The following EPS15 variants were observed in gnomAD, a reference collection of about 807,000 sequenced individuals.
EPS15 encodes the protein epidermal growth factor receptor pathway substrate 15.
Under a neutral mutation model 113.8 loss-of-function variants are expected in EPS15, and 72 were observed. That is an observed-to-expected ratio of 0.63 (90% CI 0.52 to 0.77). The LOEUF (loss-of-function observed/expected upper bound fraction) is 0.77, where lower values mean the gene tolerates loss of function less well. EPS15 is among the 30% of genes least tolerant of loss of function. The pLI is 0.00. For missense variants in EPS15, 1,048 were observed against 1,045.8 expected (o/e 1.00, Z -0.03); for synonymous variants, 344 against 363.4 (o/e 0.95, Z 0.61).
chr1:51,504,755 T>C (rs561152801), intron 1 of EPS15, among the ~76,000 whole-genome samples: 6 of 152,264 alleles, frequency 3.9e-5, no homozygotes, highest in African/African-American at 1.4e-4. Flanking sequence ...TAATAACAAT[T>C]ACTGGAGAGG....
intron 7 of EPS15, among the ~76,000 whole-genome samples, chr1:51,462,895 T>C (rs990773384): frequency 2.9e-4 from 41 of 140,352 alleles, no homozygotes; most frequent in Admixed American, 1.1e-3. Flanking sequence ...TTTTTTTTTT[T>C]CTAAGACAGT....
intron 6 of EPS15, 77 bp from the exon 7 acceptor site, chr1:51,463,875 A>G (rs1487610915): frequency 1.2e-6 from 1 of 827,670 alleles, no homozygotes; most frequent in Non-Finnish European, 1.9e-6. Flanking sequence ...TCAAGTCCTT[A>G]AAGAATAGAC....
At chr1:51,453,465 T>G (rs1426597577) in intron 8 of EPS15, among the ~76,000 whole-genome samples, 1 of 152,142 alleles carries the variant, frequency 6.6e-6, no homozygotes. Context: ...TATATTGTAC[T>G]TATTCCTATT....
intron 12 of EPS15, among the ~76,000 whole-genome samples, chr1:51,435,778 A>C: frequency 6.6e-6 from 1 of 152,254 alleles, no homozygotes; most frequent in East Asian, 1.9e-4. Context: ...ATAAATTACT[A>C]TAGTTAAACA....
At chr1:51,449,924 T>A (rs1653398750) in intron 8 of EPS15, among the ~76,000 whole-genome samples, 1 of 151,754 alleles carries the variant, frequency 6.6e-6, no homozygotes, top group Non-Finnish European at 1.5e-5. Context: ...GGCAGCTTGA[T>A]TCCAGGGTGT....
chr1:51,474,309 G>C (rs1263442107), intron 2 of EPS15, among the ~76,000 whole-genome samples: 1 of 152,184 alleles, frequency 6.6e-6, no homozygotes, highest in Non-Finnish European at 1.5e-5. Flanking sequence ...GATATAGTCT[G>C]TATCTATAAG....
chr1:51,408,235 T>C lies in EPS15; in HGVS notation c.1373A>G (p.Gln458Arg). ...AKAREELSRL[Q>R]QETAELEESV... ...CTCCTCCAATTCTGCTGTTTCTTGC[T>C]GTAGACGGCTCAGCTCTTCTCTAGC... The change falls in exon 15 of 25, where the codon CAG becomes CGG. Residue 458 changes from glutamine to arginine, a missense_variant. By Grantham distance (43) the Gln-to-Arg change is conservative. Coordinates refer to ENST00000371733, the MANE Select transcript of EPS15 (RefSeq NM_001981.3). The C allele has an allele frequency of 6.2e-7, 1 of 1,614,114 alleles. No homozygotes were observed. The highest frequency in any genetic ancestry group is 2.2e-5 in the East Asian group (1 of 44,884).
At chr1:51,433,803 TA>T (rs1651929222) in intron 12 of EPS15, among the ~76,000 whole-genome samples, 1 of 152,264 alleles carries the variant, frequency 6.6e-6, no homozygotes, top group East Asian at 1.9e-4. Context: ...GATGTGGCTT[TA>T]ACTTCCTGAT....
intron 4 of EPS15, 94 bp downstream of exon 4, chr1:51,471,595 AC>A: frequency 1.0e-6 from 1 of 999,028 alleles, no homozygotes. Flanking sequence ...GTTGGTAAAA[AC>A]CAATTCTTGG....
At chr1:51,511,038 C>T (rs1161109949) in intron 1 of EPS15, among the ~76,000 whole-genome samples, 3 of 151,752 alleles carry the variant, frequency 2.0e-5, no homozygotes, top group Non-Finnish European at 4.4e-5. Flanking sequence ...TGGCGGTGGG[C>T]GCCTATAATC....
chr1:51,493,060 T>C (rs186225060), intron 1 of EPS15, among the ~76,000 whole-genome samples: 1 of 152,114 alleles, frequency 6.6e-6, no homozygotes, highest in East Asian at 1.9e-4. Context: ...ACCCCGTCTC[T>C]ACTAAAAATA....
intron 15 of EPS15, among the ~76,000 whole-genome samples, chr1:51,406,945 T>C (rs1235186459): frequency 1.3e-5 from 2 of 152,186 alleles, no homozygotes; most frequent in Non-Finnish European, 2.9e-5. Context: ...AAGGTATATC[T>C]TGCATGACGA....
At chr1:51,406,749 A>G (rs191045978) in intron 15 of EPS15, among the ~76,000 whole-genome samples, 65 of 152,310 alleles carry the variant, frequency 4.3e-4, no homozygotes, top group African/African-American at 1.5e-3. Flanking sequence ...CTACACTGGG[A>G]CAAGAACTGT....
intron 9 of EPS15, 131 bp from the exon 10 acceptor site, chr1:51,447,236 A>G (rs1653138916): frequency 1.4e-6 from 1 of 697,614 alleles, no homozygotes; most frequent in Non-Finnish European, 2.3e-6. Context: ...GCAACAATGT[A>G]TCACTTCCAT....
chr1:51,440,495 T>A, intron 11 of EPS15, 63 bp from the exon 12 acceptor site: 2 of 671,596 alleles, frequency 3.0e-6, no homozygotes, highest in South Asian at 2.3e-5. Context: ...GACAAAACAC[T>A]AAAAATATTA....
At chr1:51,471,768 A>C in intron 3 of EPS15, 31 bp from the exon 4 acceptor site, 1 of 1,530,208 alleles carries the variant, frequency 6.5e-7, no homozygotes, top group East Asian at 2.2e-5. Flanking sequence ...ATATCAATGT[A>C]TATTTTAAAC....
intron 8 of EPS15, among the ~76,000 whole-genome samples, chr1:51,452,941 A>G (rs1653693318): frequency 6.6e-6 from 1 of 152,230 alleles, no homozygotes; most frequent in African/African-American, 2.4e-5. Flanking sequence ...ATTTTTAACA[A>G]GTTCCCGAAT....
chr1:51,441,576 C>T (rs1283016982), intron 11 of EPS15, among the ~76,000 whole-genome samples: 2 of 152,032 alleles, frequency 1.3e-5, no homozygotes, highest in African/African-American at 4.8e-5. Context: ...AGTTAATTTA[C>T]GTCAACAACT....
rs1275053691 is a variant in EPS15 at position 51,365,972 on chromosome 1, T to C, written c.2177A>G (p.Asp726Gly). 1 of 1,612,136 alleles carries C rather than the reference T, an allele frequency of 6.2e-7. No homozygotes were observed. The highest frequency in any genetic ancestry group is 1.7e-5 in the Admixed American group (1 of 59,874). ...GATTACCTTTGACAATGTGCTGAAGTCAGCAAATCCACCTCCAAATGATTC... is the reference window on the plus strand; with the variant it reads ...GATTACCTTTGACAATGTGCTGAAGCCAGCAAATCCACCTCCAAATGATTC... ...GNESFGGGFA[D>G]FSTLSKVNNE... Residue 726 changes from aspartate (D) to glycine (G), a missense_variant, in exon 22 of 25, where the codon GAC (aspartate) becomes GGC (glycine). Transcript: ENST00000371733.
Sources: gnomAD v4.1 joint callset for allele counts (sites outside exome capture counted in the v4.1 genomes callset) on GRCh38, gnomAD v4.1.1 for gene constraint, MANE v1.5 for transcripts, NCBI Gene and HGNC (gene_info 2026-07-23, HGNC 2026-07-21) for gene names.